CABIN1: variants seen among roughly 807,000 people sequenced by gnomAD.
CABIN1 encodes the protein calcineurin-binding protein cabin-1.
CABIN1 carries 133 observed loss-of-function variants against 227.7 expected under a neutral mutation model. The observed-to-expected ratio is 0.58, with a 90% CI of 0.51 to 0.67. The LOEUF is 0.67. CABIN1 is among the 30% of genes least tolerant of loss of function. The pLI, the probability that CABIN1 is intolerant of heterozygous loss-of-function variation, is 0.00. For missense variants in CABIN1, 2,408 were observed against 2,852.5 expected, an observed-to-expected ratio of 0.84 and a Z score of 3.55; for synonymous variants, 1,086 against 1,155.1, an observed-to-expected ratio of 0.94 and a Z score of 1.21.
intron 28 of CABIN1, among the ~76,000 whole-genome samples, chr22:24,121,059 C>T (rs1162938472): frequency 1.3e-5 from 2 of 151,384 alleles, no homozygotes; most frequent in African/African-American, 4.9e-5. Context: ...TTGGTGTAGG[C>T]GAGGGCCAGA....
intron 18 of CABIN1, among the ~76,000 whole-genome samples, chr22:24,074,193 T>C (rs903696536): frequency 1.3e-5 from 2 of 152,314 alleles, no homozygotes; most frequent in South Asian, 4.1e-4. Flanking sequence ...ACTTCTGGAC[T>C]GAAATTCTCC....
chr22:24,025,422 C>T (rs1327230075), intron 1 of CABIN1, among the ~76,000 whole-genome samples: 1 of 152,130 alleles, frequency 6.6e-6, no homozygotes, highest in Non-Finnish European at 1.5e-5. Flanking sequence ...AAAACCAAGG[C>T]AAGTATATAC....
intron 29 of CABIN1, chr22:24,162,307 G>T (rs2046203091): frequency 6.6e-6 from 1 of 152,352 alleles, no homozygotes; most frequent in African/African-American, 2.4e-5. Flanking sequence ...TGGGATCCTG[G>T]GGCCCATCTG....
chr22:24,171,708 C>T lies in CABIN1; in HGVS notation c.5758-5C>T, dbSNP rs1235443083. 1.2e-6 allele frequency: 2 copies of T among 1,614,008 alleles called. No homozygotes were observed. The highest frequency in any genetic ancestry group is 2.2e-5 in the South Asian group (2 of 91,088). ...GCCTTTCTCACCTCTTGTTTGTCCT[C>T]ACAGGCCTCGGGGGACACCCCCACC... On this transcript the variant is annotated splice_region_variant and splice_polypyrimidine_tract_variant and intron_variant, in intron 33 of 36. Coordinates refer to ENST00000263119, the MANE Select transcript of CABIN1 (RefSeq NM_012295.4).
chr22:24,116,459 G>A (rs116098678), intron 27 of CABIN1, among the ~76,000 whole-genome samples: 1,991 of 152,340 alleles, frequency 0.013, 42 homozygotes, highest in African/African-American at 0.045. Flanking sequence ...GCAGGATAGG[G>A]TGATAAATGG....
At chr22:24,148,461 G>A (rs2045285904) in intron 29 of CABIN1, among the ~76,000 whole-genome samples, 1 of 152,234 alleles carries the variant, frequency 6.6e-6, no homozygotes, top group Admixed American at 6.5e-5. Context: ...CTCAGTAGGT[G>A]TGGCTGGGAC....
chr22:24,167,095 C>T lies in CABIN1; in HGVS notation c.5464C>T (p.Pro1822Ser), dbSNP rs1307769845. Residue 1822 changes from proline (P) to serine (S), a missense_variant, in exon 32 of 37, where the codon CCC becomes TCC. This residue lies in a region of CABIN1 where 714 missense variants were observed against 773.8 expected (regional missense o/e 0.92). Transcript: ENST00000263119. ...CACCCCAGCCCAGCCAGCCCCCGCC[C>T]CCGCCCCCGCCACCACCACAGGGAC... ...PLTPAQPAPA[P>S]APATTTGTRA... The T allele has an allele frequency of 2.1e-5, 33 of 1,546,008 alleles. No homozygotes were observed. Among genetic ancestry groups the T allele is most frequent in the Non-Finnish European group, 2.8e-5 (32 of 1,145,604 alleles).
intron 25 of CABIN1, 28 bp downstream of exon 25, chr22:24,096,110 A>G: frequency 6.2e-7 from 1 of 1,613,500 alleles, no homozygotes; most frequent in Non-Finnish European, 8.5e-7. Flanking sequence ...GGCGACCCCT[A>G]GCAGCTTACC....
At chr22:24,013,051 G>T (rs1471349134) in intron 1 of CABIN1, among the ~76,000 whole-genome samples, 1 of 150,778 alleles carries the variant, frequency 6.6e-6, no homozygotes, top group Non-Finnish European at 1.5e-5. Flanking sequence ...GTCAGACACC[G>T]CGCCCGGCCT....
At position 24,059,340 on chromosome 22, in the gene CABIN1, A is replaced by C. The variant is rs778543921; in HGVS notation, c.1376A>C (p.Asp459Ala). The change falls in exon 11 of 37, where the codon GAC becomes GCC. Residue 459 changes from aspartate (D) to alanine (A), a missense_variant. This residue lies in a region of CABIN1 where 1,045 missense variants were observed against 1,168.4 expected (regional missense o/e 0.89). Transcript: ENST00000263119. ...ATTGGGCCTCAAAGGCTGTCATTTG[A>C]CTCAGCCACATTCATGGAATCTGGT... ...PSIGPQRLSFDSATFMESEKQ... is the reference protein window; with the variant it reads ...PSIGPQRLSFASATFMESEKQ... 1 of 1,614,150 alleles carries C rather than the reference A, an allele frequency of 6.2e-7. No homozygotes were observed. Among genetic ancestry groups the C allele is most frequent in the Non-Finnish European group, 8.5e-7 (1 of 1,180,008 alleles).
In CABIN1 at chr22:24,049,149, G is replaced by A. The variant is rs778089452; in HGVS notation, c.585G>A (p.Leu195=). Residue 195 remains leucine (L), a synonymous_variant, in exon 7 of 37, where the codon CTG becomes CTA. Transcript: ENST00000263119. ...AGGATTGCCGGTACAGCAAAGGGCT[G>A]GTCCTCAAGGAGAAGATTTTTGAGG... ...LEKDCRYSKG[L]VLKEKIFEEQ... is the part of the protein sequence containing the mutation. 6.2e-7 allele frequency: 1 copy of A among 1,614,106 alleles called. No individual in the cohort carries two copies. The highest frequency in any genetic ancestry group is 1.1e-5 in the South Asian group (1 of 91,066).
intron 11 of CABIN1, among the ~76,000 whole-genome samples, chr22:24,059,683 G>T (rs966631282): frequency 6.6e-6 from 1 of 152,198 alleles, no homozygotes; most frequent in African/African-American, 2.4e-5. Flanking sequence ...GCACTTGGAG[G>T]TCTGCCCTTT....
chr22:24,060,198 G>C (rs1337220774), intron 12 of CABIN1, 57 bp downstream of exon 12: 2 of 1,508,506 alleles, frequency 1.3e-6, no homozygotes, highest in African/African-American at 2.7e-5. Context: ...ATGGGGACAG[G>C]GATCTTGCAT....
Position 24,071,897 on chromosome 22 carries a change from G to A in CABIN1, c.2476-457G>A, listed in dbSNP as rs146174726. Reference sequence around the variant, plus strand: ...TGCCCCCACTCCTTGCCCTCCCTGGGTGTTGGACACACCACAGCCACTCAC... The same window carrying A: ...TGCCCCCACTCCTTGCCCTCCCTGGATGTTGGACACACCACAGCCACTCAC... On this transcript the variant is annotated intron_variant, in intron 17 of 36. Coordinates refer to ENST00000263119, the MANE Select transcript of CABIN1 (RefSeq NM_012295.4). Among the ~76,000 whole-genome samples, 28 of 152,166 alleles carry A rather than the reference G, an allele frequency of 1.8e-4. No homozygotes were observed. The East Asian group carries it at 4.8e-3, about 26-fold the overall frequency.
At chr22:24,086,879 G>A (rs1308211519) in intron 22 of CABIN1, among the ~76,000 whole-genome samples, 1 of 152,186 alleles carries the variant, frequency 6.6e-6, no homozygotes, top group Non-Finnish European at 1.5e-5. Context: ...GGCAGGATCT[G>A]CTCAGGGTCC....
intron 1 of CABIN1, among the ~76,000 whole-genome samples, chr22:24,014,881 C>G (rs2035126475): frequency 6.6e-6 from 1 of 152,144 alleles, no homozygotes; most frequent in Non-Finnish European, 1.5e-5. Context: ...CACAAGTGAA[C>G]AGTTAGTTGT....
intron 18 of CABIN1, among the ~76,000 whole-genome samples, chr22:24,075,410 TTTTTCCTCCTG>T (rs2040370460): frequency 6.6e-6 from 1 of 152,178 alleles, no homozygotes; most frequent in Non-Finnish European, 1.5e-5. Context: ...TCAGTAGTTC[TTTTTCCTCCTG>T]TTTTACTCTT....
chr22:24,056,549 C>G, intron 10 of CABIN1, 189 bp downstream of exon 10: 1 of 617,308 alleles, frequency 1.6e-6, no homozygotes, highest in South Asian at 2.0e-5. Context: ...CGCCTCTTCC[C>G]ACCTCTGAAA....
Position 24,167,186 on chromosome 22 carries a change from A to T in CABIN1, c.5555A>T (p.Asp1852Val). 3 of 1,611,446 alleles carry T rather than the reference A, an allele frequency of 1.9e-6. No homozygotes were observed. The highest frequency in any genetic ancestry group is 2.5e-6 in the Non-Finnish European group (3 of 1,179,640). Residue 1852 changes from aspartate (D) to valine (V), a missense_variant, in exon 32 of 37, where the codon GAC becomes GTC. Around this residue, in one of 3 missense-constraint regions of CABIN1, gnomAD observed 714 missense variants for 773.8 expected, o/e 0.92. Transcript: ENST00000263119. ...AGCCGCAAGAGGAAGCTCCTGGAGG[A>T]CACAGAGTCAGGCAAGACACTTCTG... ...RLSRKRKLLE[D>V]TESGKTLLLD...
Sources: gnomAD v4.1 joint callset for allele counts (sites outside exome capture counted in the v4.1 genomes callset) on GRCh38, gnomAD v4.1.1 for gene constraint, gnomAD v4.1.1 regional missense constraint, MANE v1.5 for transcripts, NCBI Gene and HGNC (gene_info 2026-07-23, HGNC 2026-07-21) for gene names.